SERINC1: variants seen among roughly 807,000 people sequenced by gnomAD.
The protein encoded by SERINC1 is tumor differentially expressed protein 2.
A neutral mutation model predicts 52.9 loss-of-function variants in SERINC1; 38 were observed. That is an observed-to-expected ratio of 0.72 (90% CI 0.55 to 0.94). The LOEUF is 0.94. Among genes scored for constraint, SERINC1 ranks in the 40% least tolerant of loss-of-function variants. SERINC1 has a pLI of 0.00. For missense variants in SERINC1, 471 were observed against 533.9 expected (o/e 0.88, Z 1.16); for synonymous variants, 198 against 183.1 (o/e 1.08, Z -0.66).
chr6:122,451,654 T>C lies in SERINC1; in HGVS notation c.850+10A>G. On this transcript the variant is annotated intron_variant, in intron 7 of 9. Transcript: ENST00000339697. The stretch of plus-strand genomic sequence containing the variant: ...AACCTTTAGGAACATGTAATATAAA[T>C]AAAACACACCTGGTTCATTGGTCAT... 9.7e-7 allele frequency: 1 copy of C among 1,033,828 alleles called. No individual in the cohort carries two copies. Among genetic ancestry groups the C allele is most frequent in the African/African-American group, 1.7e-5 (1 of 58,752 alleles). 64.0% of individuals were successfully genotyped at this position (1,033,828 alleles called of 1,614,324 possible).
At chr6:122,468,810 A>C (rs2114493066) in intron 1 of SERINC1, among the ~76,000 whole-genome samples, 1 of 152,312 alleles carries the variant, frequency 6.6e-6, no homozygotes, top group South Asian at 2.1e-4. Context: ...AGGTTGGCAA[A>C]AAATACGCAC....
chr6:122,448,424 A>G (rs1327220814), intron 7 of SERINC1, among the ~76,000 whole-genome samples: 3 of 152,232 alleles, frequency 2.0e-5, no homozygotes, highest in Non-Finnish European at 4.4e-5. Context: ...AGATTCATAT[A>G]ACATCAGATA....
chr6:122,451,346 C>T (rs1430861523), intron 7 of SERINC1, among the ~76,000 whole-genome samples: 1 of 152,114 alleles, frequency 6.6e-6, no homozygotes, highest in Non-Finnish European at 1.5e-5. Context: ...CTATGGCACA[C>T]AACAGACTAG....
chr6:122,454,867 T>C (rs926806344), intron 3 of SERINC1, among the ~76,000 whole-genome samples: 3 of 152,172 alleles, frequency 2.0e-5, no homozygotes, highest in African/African-American at 7.2e-5. Flanking sequence ...GCTGTAATTG[T>C]TGTGAGTACT....
chr6:122,458,765 C>T (rs1775047729), intron 1 of SERINC1, 84 bp from the exon 2 acceptor site: 1 of 989,990 alleles, frequency 1.0e-6, no homozygotes, highest in African/African-American at 1.7e-5. Flanking sequence ...AATTGACATT[C>T]TATCTGTTAA....
chr6:122,455,106 T>C (rs1246123732), intron 3 of SERINC1, among the ~76,000 whole-genome samples: 1 of 152,178 alleles, frequency 6.6e-6, no homozygotes, highest in African/African-American at 2.4e-5. Flanking sequence ...TTGCAGATTA[T>C]GTATGATCTC....
chr6:122,462,574 C>T (rs1404753179), intron 1 of SERINC1, among the ~76,000 whole-genome samples: 1 of 151,934 alleles, frequency 6.6e-6, no homozygotes, highest in Non-Finnish European at 1.5e-5. Context: ...AATGATAGCG[C>T]CACTGCACTC....
intron 1 of SERINC1, among the ~76,000 whole-genome samples, chr6:122,467,908 T>C (rs1582638667): frequency 6.6e-6 from 1 of 152,180 alleles, no homozygotes; most frequent in East Asian, 1.9e-4. Context: ...TCGTCTTCCA[T>C]AGTTAGAAGA....
At chr6:122,458,449 G>T in intron 2 of SERINC1, 71 bp downstream of exon 2, 1 of 1,009,590 alleles carries the variant, frequency 9.9e-7, no homozygotes, top group Admixed American at 2.2e-5. Flanking sequence ...CAATATCCCC[G>T]AATCAATTTT....
chr6:122,451,872 G>A lies in SERINC1; in HGVS notation c.759+16C>T. ...AGGTATAAGCTTCATAAAAACTAAT[G>A]CTTTAAAGGGCATACTTGGATTTTT... On this transcript the variant is annotated intron_variant, in intron 6 of 9. Transcript: ENST00000339697. 6.8e-7 allele frequency: 1 copy of A among 1,478,674 alleles called. No homozygotes were observed. Among genetic ancestry groups the A allele is most frequent in the Non-Finnish European group, 8.9e-7 (1 of 1,117,676 alleles). The allele number at this position is 1,478,674 out of a possible 1,614,324, so 91.6% of individuals were successfully genotyped here.
chr6:122,459,543 C>T (rs547078719), intron 1 of SERINC1, among the ~76,000 whole-genome samples: 14 of 152,032 alleles, frequency 9.2e-5, no homozygotes, highest in African/African-American at 2.4e-4. Context: ...GTCCACAAAA[C>T]GGAAATACAT....
At chr6:122,466,545 C>T (rs546805668) in intron 1 of SERINC1, among the ~76,000 whole-genome samples, 2 of 152,060 alleles carry the variant, frequency 1.3e-5, no homozygotes, top group Non-Finnish European at 2.9e-5. Context: ...CAGTGTTTTG[C>T]CATGTTGCCA....
chr6:122,447,364 G>A (rs1434960790), intron 7 of SERINC1, 99 bp from the exon 8 acceptor site: 2 of 835,396 alleles, frequency 2.4e-6, no homozygotes, highest in African/African-American at 1.7e-5. Context: ...CCTGCAAATT[G>A]AGAAACAATT....
intron 1 of SERINC1, among the ~76,000 whole-genome samples, chr6:122,463,749 GA>G (rs1775144506): frequency 2.6e-5 from 4 of 152,180 alleles, no homozygotes; most frequent in Admixed American, 2.0e-4. Flanking sequence ...TGGCGGGAAT[GA>G]AAAATGGTAC....
intron 9 of SERINC1, among the ~76,000 whole-genome samples, chr6:122,445,493 A>C (rs1418552957): frequency 6.6e-6 from 1 of 152,088 alleles, no homozygotes; most frequent in Non-Finnish European, 1.5e-5. Flanking sequence ...GATAAATGAG[A>C]TGTCACTATT....
At chr6:122,458,720 C>A in intron 1 of SERINC1, 39 bp from the exon 2 acceptor site, 1 of 1,347,394 alleles carries the variant, frequency 7.4e-7, no homozygotes, top group Non-Finnish European at 1.0e-6. Context: ...TATTAAGAAT[C>A]AGTAAATCAC....
chr6:122,454,277 A>G (rs896679234), intron 3 of SERINC1, 47 bp from the exon 4 acceptor site: 9 of 938,224 alleles, frequency 9.6e-6, no homozygotes, highest in Non-Finnish European at 1.3e-5. Context: ...CATTCATCAA[A>G]TAATTTCATA....
chr6:122,468,657 T>C (rs1175173673), intron 1 of SERINC1, among the ~76,000 whole-genome samples: 1 of 152,196 alleles, frequency 6.6e-6, no homozygotes, highest in Non-Finnish European at 1.5e-5. Flanking sequence ...TGTATACAAA[T>C]ACACAATGCA....
At chr6:122,457,470 T>C (rs1775018301) in intron 2 of SERINC1, among the ~76,000 whole-genome samples, 1 of 152,188 alleles carries the variant, frequency 6.6e-6, no homozygotes, top group Non-Finnish European at 1.5e-5. Flanking sequence ...GACTTCGTGT[T>C]TGTGTCTACC....
Sources: gnomAD v4.1 joint callset for allele counts (sites outside exome capture counted in the v4.1 genomes callset) on GRCh38, gnomAD v4.1.1 for gene constraint, MANE v1.5 for transcripts, NCBI Gene and HGNC (gene_info 2026-07-23, HGNC 2026-07-21) for gene names.